The following MDGA2 variants were observed in gnomAD, a reference collection of about 807,000 sequenced individuals.
MDGA2 encodes the protein MAM domain containing glycosylphosphatidylinositol anchor 2, also known as MAM domain-containing glycosylphosphatidylinositol anchor protein 2.
A neutral mutation model predicts 117.8 loss-of-function variants in MDGA2; 40 were observed. The ratio of observed to expected loss-of-function variants is 0.34; its 90% CI spans 0.26 to 0.44. The LOEUF (loss-of-function observed/expected upper bound fraction) is 0.44. Among genes scored for constraint, MDGA2 ranks in the 20% least tolerant of loss-of-function variants. The pLI, the probability that MDGA2 is intolerant of heterozygous loss-of-function variation, is 1.00. For missense variants in MDGA2, 1,123 were observed against 1,250.6 expected, an observed-to-expected ratio of 0.90 and a Z score of 1.54; for synonymous variants, 452 against 439.0, an observed-to-expected ratio of 1.03 and a Z score of -0.37.
At chr14:47,225,577 C>T (rs1373800165) in intron 2 of MDGA2, among the ~76,000 whole-genome samples, 2 of 151,050 alleles carry the variant, frequency 1.3e-5, no homozygotes, top group Non-Finnish European at 2.9e-5. Context: ...AAACCAAACA[C>T]CGCATGTTCT....
At chr14:47,382,939 G>A (rs1182880403) in intron 1 of MDGA2, among the ~76,000 whole-genome samples, 1 of 152,098 alleles carries the variant, frequency 6.6e-6, no homozygotes, top group South Asian at 2.1e-4. Context: ...CAACAACAAA[G>A]ACTTGCAACC....
chr14:47,266,688 T>C (rs577384618), intron 2 of MDGA2, among the ~76,000 whole-genome samples: 89 of 152,330 alleles, frequency 5.8e-4, no homozygotes, highest in Non-Finnish European at 6.9e-4. Context: ...TTAGAGTGAC[T>C]GATTTCTGGT....
chr14:46,849,916 AG>A lies in MDGA2; in HGVS notation c.2884-4046del, dbSNP rs375635242. Among the ~76,000 whole-genome samples, 50 of 152,002 alleles carry A rather than the reference AG, an allele frequency of 3.3e-4. 1 individual carries two copies. The South Asian group carries it at 0.01, about 31-fold the overall frequency. On this transcript the variant is annotated intron_variant, in intron 15 of 16. Coordinates refer to ENST00000399232, the MANE Select transcript of MDGA2 (RefSeq NM_001113498.3). ...CTTGAAGAAGGAACTAACAGCAACT[AG>A]GTACCCATGGAGAAAATGTGAAAGT...
intron 3 of MDGA2, among the ~76,000 whole-genome samples, chr14:47,168,649 A>T (rs1883989961): frequency 6.6e-6 from 1 of 152,158 alleles, no homozygotes; most frequent in Admixed American, 6.6e-5. Flanking sequence ...CTAGAAACAA[A>T]GATAAGCTGA....
At chr14:47,488,995 A>T (rs1705270476) in intron 1 of MDGA2, among the ~76,000 whole-genome samples, 1 of 151,984 alleles carries the variant, frequency 6.6e-6, no homozygotes, top group Non-Finnish European at 1.5e-5. Context: ...AAATTAAACA[A>T]CATAATTAAA....
intron 2 of MDGA2, among the ~76,000 whole-genome samples, chr14:47,243,220 T>G (rs1418037658): frequency 6.7e-6 from 1 of 149,934 alleles, no homozygotes; most frequent in Non-Finnish European, 1.5e-5. Context: ...CCTGTGTGTC[T>G]AAACTCTATC....
intron 1 of MDGA2, among the ~76,000 whole-genome samples, chr14:47,661,709 C>G (rs1897849210): frequency 1.5e-5 from 2 of 136,472 alleles, no homozygotes; most frequent in African/African-American, 2.7e-5. Flanking sequence ...AAATATTTCT[C>G]TTTTGTCAAC....
intron 8 of MDGA2, among the ~76,000 whole-genome samples, chr14:46,969,339 G>T (rs371782335): frequency 7.9e-5 from 12 of 152,132 alleles, no homozygotes; most frequent in South Asian, 2.1e-4. Context: ...ACTTCCACAA[G>T]GGTTGAACTA....
At chr14:47,379,301 A>G (rs889262682) in intron 1 of MDGA2, among the ~76,000 whole-genome samples, 2 of 152,214 alleles carry the variant, frequency 1.3e-5, no homozygotes, top group African/African-American at 4.8e-5. Flanking sequence ...AAGAAACTGC[A>G]TCAACTAACG....
chr14:47,408,242 G>C (rs1046589570), intron 1 of MDGA2, among the ~76,000 whole-genome samples: 3 of 151,944 alleles, frequency 2.0e-5, no homozygotes, highest in African/African-American at 7.3e-5. Context: ...TTTTAGTAGA[G>C]ACAGGGTTTC....
chr14:47,044,115 T>C (rs1276357339), intron 7 of MDGA2, among the ~76,000 whole-genome samples: 3 of 152,036 alleles, frequency 2.0e-5, no homozygotes, highest in Non-Finnish European at 2.9e-5. Context: ...GATTGATTGA[T>C]AGAGCACAAA....
intron 1 of MDGA2, among the ~76,000 whole-genome samples, chr14:47,418,849 T>A (rs1404242287): frequency 6.6e-6 from 1 of 152,096 alleles, no homozygotes; most frequent in Non-Finnish European, 1.5e-5. Context: ...GTTAAGAAGG[T>A]CAGCTCATTG....
chr14:46,981,174 G>GGA (rs201938374), intron 8 of MDGA2, among the ~76,000 whole-genome samples: 1 of 151,488 alleles, frequency 6.6e-6, no homozygotes, highest in Non-Finnish European at 1.5e-5. Context: ...GAGGCCAAGG[G>GGA]GGGGGCGGAT....
rs764308117 is a variant in MDGA2, at chr14:46,957,414, T to C, written c.2049A>G (p.Ile683Met). Reference protein sequence around the residue: ...ENYGVYNCSIINEAGAGRCSF... With the variant: ...ENYGVYNCSIMNEAGAGRCSF... ...TGCATCTCCCAGCTCCAGCTTCATTTATGATGCTACAGTTATAAACCCCAT... is the reference window on the plus strand; with the variant it reads ...TGCATCTCCCAGCTCCAGCTTCATTCATGATGCTACAGTTATAAACCCCAT... Residue 683 changes from isoleucine to methionine, a missense_variant, in exon 9 of 17, where the codon ATA (isoleucine) becomes ATG (methionine). Physicochemically the swap from Ile to Met is conservative, Grantham distance 10. Transcript: ENST00000399232. The C allele has an allele frequency of 1.2e-5, 20 of 1,613,924 alleles. No individual in the cohort carries two copies. The highest frequency in any genetic ancestry group is 1.6e-4 in the Middle Eastern group (1 of 6,080).
intron 1 of MDGA2, among the ~76,000 whole-genome samples, chr14:47,419,093 T>A (rs775980829): frequency 6.6e-6 from 1 of 152,198 alleles, no homozygotes; most frequent in Non-Finnish European, 1.5e-5. Flanking sequence ...CACTTCACAC[T>A]GTTATATCAG....
At chr14:46,863,525 G>A (rs556136063) in intron 14 of MDGA2, among the ~76,000 whole-genome samples, 3 of 152,252 alleles carry the variant, frequency 2.0e-5, no homozygotes, top group Non-Finnish European at 2.9e-5. Flanking sequence ...TAATGTCAAT[G>A]AAATTAGTTT....
At chr14:47,653,815 T>C (rs1897690631) in intron 1 of MDGA2, among the ~76,000 whole-genome samples, 2 of 152,226 alleles carry the variant, frequency 1.3e-5, no homozygotes, top group East Asian at 3.9e-4. Flanking sequence ...AGATGTGATG[T>C]TGTTAGCTTT....
intron 1 of MDGA2, among the ~76,000 whole-genome samples, chr14:47,659,559 T>A (rs1033693823): frequency 6.6e-6 from 1 of 152,260 alleles, no homozygotes; most frequent in Admixed American, 6.5e-5. Flanking sequence ...CCAGCTTTCA[T>A]GGATATTATT....
chr14:46,844,804 C>T (rs906865870), intron 16 of MDGA2, among the ~76,000 whole-genome samples: 1 of 152,080 alleles, frequency 6.6e-6, no homozygotes, highest in African/African-American at 2.4e-5. Context: ...GTGGAGGTAA[C>T]TGAATCATGG....
Sources: gnomAD v4.1 joint callset for allele counts (sites outside exome capture counted in the v4.1 genomes callset) on GRCh38, gnomAD v4.1.1 for gene constraint, MANE v1.5 for transcripts, NCBI Gene and HGNC (gene_info 2026-07-23, HGNC 2026-07-21) for gene names.